The following CLEC4A variants were observed in gnomAD, a reference collection of about 807,000 sequenced individuals.
The protein encoded by CLEC4A is C-type (calcium dependent, carbohydrate-recognition domain) lectin, superfamily member 6.
In CLEC4A, 27 loss-of-function variants were observed where a neutral mutation model predicts 32.7. That is an observed-to-expected ratio of 0.83 (90% CI 0.61 to 1.14). CLEC4A has a LOEUF of 1.14. CLEC4A is among the 50% of genes most tolerant of loss of function. The probability of loss-of-function intolerance (pLI) is 0.00; values close to 1 mark genes in which losing one functional copy is unlikely to be tolerated. For missense variants in CLEC4A, 253 were observed against 274.6 expected, an observed-to-expected ratio of 0.92 and a Z score of 0.55; for synonymous variants, 89 against 93.7, an observed-to-expected ratio of 0.95 and a Z score of 0.29.
chr12:8,114,565 A>C, the CLEC4A span, among the ~76,000 whole-genome samples: 1 of 152,198 alleles, frequency 6.6e-6, no homozygotes, highest in Non-Finnish European at 1.5e-5. Flanking sequence ...TTCTGATGGA[A>C]CAAAATATTG....
the CLEC4A span, among the ~76,000 whole-genome samples, chr12:8,105,675 T>C: frequency 2.0e-5 from 3 of 152,164 alleles, no homozygotes; most frequent in Non-Finnish European, 4.4e-5. Context: ...TTCATATGCT[T>C]GTTGGCCATG....
At chr12:8,129,567 T>C (rs1377205284) in intron 3 of CLEC4A, among the ~76,000 whole-genome samples, 2 of 151,994 alleles carry the variant, frequency 1.3e-5, no homozygotes, top group Non-Finnish European at 2.9e-5. Flanking sequence ...CTGAGGCGTG[T>C]GGATCACAAG....
chr12:8,122,468 A>T (rs995316767), upstream of CLEC4A, among the ~76,000 whole-genome samples: 5 of 126,272 alleles, frequency 4.0e-5, no homozygotes, highest in Non-Finnish European at 8.2e-5. Flanking sequence ...GGGGATGTTC[A>T]TGGGGGTGGG....
At chr12:8,134,949 A>C in intron 3 of CLEC4A, 1 of 792,836 alleles carries the variant, frequency 1.3e-6, no homozygotes, top group South Asian at 3.1e-5. Context: ...TGTTTCAAGC[A>C]TGTCTGTATC....
At chr12:8,126,970 G>T (rs1164810034) in intron 2 of CLEC4A, among the ~76,000 whole-genome samples, 1 of 152,188 alleles carries the variant, frequency 6.6e-6, no homozygotes, top group Non-Finnish European at 1.5e-5. Context: ...AAAGAGTTTG[G>T]ATTTTTTCCC....
chr12:8,129,292 T>C lies in CLEC4A; in HGVS notation c.228T>C (p.Leu76=). 2 of 1,604,716 alleles carry C rather than the reference T, an allele frequency of 1.2e-6. No individual in the cohort carries two copies. Among genetic ancestry groups the C allele is most frequent in the South Asian group, 1.1e-5 (1 of 88,484 alleles). The change falls in exon 3 of 6, where the codon CTT becomes CTC. Residue 76 remains leucine, a synonymous_variant. Transcript: ENST00000229332. ...TCTTTCAAAAATATTCTCAGCTTCTTGAAAAAAAGACTACAAAAGAGCTGG... is the reference window on the plus strand; with the variant it reads ...TCTTTCAAAAATATTCTCAGCTTCTCGAAAAAAAGACTACAAAAGAGCTGG... ...VIFFQKYSQL[L]EKKTTKELVH...
chr12:8,103,237 C>T, the CLEC4A span, among the ~76,000 whole-genome samples: 1 of 152,016 alleles, frequency 6.6e-6, no homozygotes, highest in Non-Finnish European at 1.5e-5. Flanking sequence ...TTTTACTCTC[C>T]TATTAATTGC....
chr12:8,128,793 A>G (rs921595382), intron 2 of CLEC4A, among the ~76,000 whole-genome samples: 3 of 152,178 alleles, frequency 2.0e-5, no homozygotes, highest in African/African-American at 7.2e-5. Flanking sequence ...GTTGGGATGG[A>G]GAGAGTAATG....
the CLEC4A span, among the ~76,000 whole-genome samples, chr12:8,107,015 A>C: frequency 6.6e-6 from 1 of 152,150 alleles, no homozygotes; most frequent in South Asian, 2.1e-4. Context: ...TGGGTCTGTC[A>C]TAGATGGTTC....
At chr12:8,127,622 A>G (rs1234755158) in intron 2 of CLEC4A, among the ~76,000 whole-genome samples, 1 of 152,222 alleles carries the variant, frequency 6.6e-6, no homozygotes, top group Non-Finnish European at 1.5e-5. Context: ...AATGAGGACA[A>G]ATTTGGAGGG....
At chr12:8,133,670 G>A in intron 3 of CLEC4A, 5 of 1,503,366 alleles carry the variant, frequency 3.3e-6, no homozygotes, top group Non-Finnish European at 4.5e-6. Flanking sequence ...CTTCCTTAGT[G>A]AATGAAGAAC....
chr12:8,136,641 G>T, intron 4 of CLEC4A, 147 bp from the exon 5 acceptor site: 1 of 542,294 alleles, frequency 1.8e-6, no homozygotes. Context: ...ATTCTGCCCT[G>T]CTCAGCCAGA....
At chr12:8,124,044 A>G in intron 1 of CLEC4A, 84 bp downstream of exon 1, 1 of 904,660 alleles carries the variant, frequency 1.1e-6, no homozygotes. Context: ...AGGTGTTTTC[A>G]GTTGCTGGTT....
chr12:8,107,437 A>G, the CLEC4A span, among the ~76,000 whole-genome samples: 1 of 152,180 alleles, frequency 6.6e-6, no homozygotes, highest in South Asian at 2.1e-4. Flanking sequence ...GAACAGTTTC[A>G]GTAGGAATAG....
upstream of CLEC4A, among the ~76,000 whole-genome samples, chr12:8,122,501 C>A (rs1204367857): frequency 6.6e-6 from 1 of 151,478 alleles, no homozygotes; most frequent in Non-Finnish European, 1.5e-5. Context: ...CCTTTGCCGG[C>A]ACTCTCAGAG....
At chr12:8,123,217 G>C (rs1947848231), upstream of CLEC4A, among the ~76,000 whole-genome samples, 1 of 152,196 alleles carries the variant, frequency 6.6e-6, no homozygotes, top group South Asian at 2.1e-4. Context: ...GATGAATGCA[G>C]ACTTTTGATA....
intron 5 of CLEC4A, among the ~76,000 whole-genome samples, chr12:8,137,278 T>A (rs936434492): frequency 3.0e-5 from 1 of 33,638 alleles, no homozygotes; most frequent in African/African-American, 6.6e-5. Flanking sequence ...GATTTAATAA[T>A]GCTTTTTTTT....
At chr12:8,114,479 C>T in the CLEC4A span, among the ~76,000 whole-genome samples, 16 of 152,224 alleles carry the variant, frequency 1.1e-4, no homozygotes, top group South Asian at 2.7e-3. Context: ...CTCCTGACCT[C>T]GTGATCCACC....
In CLEC4A at chr12:8,123,898, A is replaced by T. The variant is rs1197368749; in HGVS notation, c.20A>T (p.Tyr7Phe). 4 of 1,611,306 alleles carry T rather than the reference A, an allele frequency of 2.5e-6. No homozygotes were observed. Among genetic ancestry groups the T allele is most frequent in the Admixed American group, 3.3e-5 (2 of 60,006 alleles). MTSEIT[Y>F]AEVRFKNEFK... ...CCCATTATGACTTCGGAAATCACTTATGCTGAAGTGAGGTTCAAAAATGAA... is the reference window on the plus strand; with the variant it reads ...CCCATTATGACTTCGGAAATCACTTTTGCTGAAGTGAGGTTCAAAAATGAA... The change falls in exon 1 of 6, where the codon TAT becomes TTT. Residue 7 changes from tyrosine to phenylalanine, a missense_variant. Physicochemically the swap from Tyr to Phe is conservative, Grantham distance 22. Transcript: ENST00000229332.
Sources: gnomAD v4.1 joint callset for allele counts (sites outside exome capture counted in the v4.1 genomes callset) on GRCh38, gnomAD v4.1.1 for gene constraint, MANE v1.5 for transcripts, NCBI Gene and HGNC (gene_info 2026-07-23, HGNC 2026-07-21) for gene names.